ANO7: variants seen among roughly 807,000 people sequenced by gnomAD.
The protein encoded by ANO7 is anoctamin-7.
A neutral mutation model predicts 115.8 loss-of-function variants in ANO7; 114 were observed. That is an observed-to-expected ratio of 0.98 (90% CI 0.85 to 1.15). The LOEUF (loss-of-function observed/expected upper bound fraction) is 1.15, where lower values mean the gene tolerates loss of function less well. Among genes scored for constraint, ANO7 ranks in the 50% most tolerant of loss-of-function variants. ANO7 has a pLI of 0.00. For missense variants in ANO7, 1,302 were observed against 1,201.2 expected (o/e 1.08, Z -1.24); for synonymous variants, 550 against 498.2 (o/e 1.10, Z -1.38).
Position 241,200,108 on chromosome 2 carries a change from C to T in ANO7, c.437C>T (p.Ser146Phe), listed in dbSNP as rs775989242. The change falls in exon 6 of 25, where the codon TCC becomes TTC. Residue 146 changes from serine (S) to phenylalanine (F), a missense_variant. Ser to Phe is a radical substitution (Grantham distance 155, BLOSUM62 -2). Coordinates refer to ENST00000674324, the MANE Select transcript of ANO7 (RefSeq NM_001370694.2). ...LPLQELPNQA[S>F]NWSAGLLAWL... ...TTCCAGGAGTTACCCAACCAGGCCT[C>T]CAACTGGTCGGCCGGCCTGCTGGCA... The T allele has an allele frequency of 5.0e-6, 8 of 1,612,894 alleles. No individual in the cohort carries two copies. Among genetic ancestry groups the T allele is most frequent in the Non-Finnish European group, 5.9e-6 (7 of 1,179,984 alleles).
chr2:241,220,165 T>C (rs2149268944), intron 21 of ANO7, among the ~76,000 whole-genome samples: 1 of 152,360 alleles, frequency 6.6e-6, no homozygotes, highest in East Asian at 1.9e-4. Context: ...CTGAAGTATA[T>C]CCTTTAGTAA....
intron 21 of ANO7, among the ~76,000 whole-genome samples, chr2:241,220,142 C>CT (rs1029855300): frequency 6.6e-5 from 10 of 151,940 alleles, no homozygotes; most frequent in Non-Finnish European, 1.5e-4. Flanking sequence ...TTCTCCGAGT[C>CT]TTTTTTTTCT....
chr2:241,217,883 A>G lies in ANO7; in HGVS notation c.2170A>G (p.Ile724Val), dbSNP rs1335591871. ...GGCGGGCCTCACGCACCTGGCGGTC[A>G]TCAGCAACGTGAGGCCCGGGCGGGA... Reference protein sequence around the residue: ...ILAGLTHLAVISNAFLLAFSS... With the variant: ...ILAGLTHLAVVSNAFLLAFSS... Residue 724 changes from isoleucine (I) to valine (V), a missense_variant, in exon 20 of 25, where the codon ATC (isoleucine) becomes GTC (valine). By Grantham distance (29) the Ile-to-Val change is conservative (BLOSUM62 3). Transcript: ENST00000674324. The G allele has an allele frequency of 2.5e-6, 4 of 1,578,562 alleles. No individual in the cohort carries two copies. Among genetic ancestry groups the G allele is most frequent in the Non-Finnish European group, 3.4e-6 (4 of 1,168,536 alleles).
chr2:241,235,713 C>T, the ANO7 span: 6 of 659,556 alleles, frequency 9.1e-6, no homozygotes, highest in Middle Eastern at 2.7e-4. Context: ...AGCAATGTGC[C>T]CCACCCGACA....
chr2:241,218,540 C>G (rs943397281), intron 21 of ANO7, among the ~76,000 whole-genome samples, 159 bp downstream of exon 21: 27 of 139,662 alleles, frequency 1.9e-4, no homozygotes, highest in African/African-American at 7.2e-4. Flanking sequence ...TGGGCAGGGG[C>G]TGGGGGGAGG....
intron 4 of ANO7, among the ~76,000 whole-genome samples, chr2:241,198,889 C>A (rs370464927): frequency 6.6e-6 from 1 of 152,218 alleles, no homozygotes; most frequent in Non-Finnish European, 1.5e-5. Flanking sequence ...GAAACATGTC[C>A]GTGCACAGCA....
chr2:241,235,662 T>C, the ANO7 span: 4 of 1,112,818 alleles, frequency 3.6e-6, no homozygotes, highest in African/African-American at 3.1e-5. Context: ...AGCTCAGCAA[T>C]GGGGCTCCAC....
At position 241,191,256 on chromosome 2, in the gene ANO7, G is replaced by A; in HGVS notation, c.166+5G>A. 6.2e-7 allele frequency: 1 copy of A among 1,613,668 alleles called. No individual in the cohort carries two copies. The highest frequency in any genetic ancestry group is 8.5e-7 in the Non-Finnish European group (1 of 1,179,878). On this transcript the variant is annotated splice_donor_5th_base_variant and intron_variant, in intron 3 of 24. Coordinates refer to ENST00000674324, the MANE Select transcript of ANO7 (RefSeq NM_001370694.2). ...GTCCTGCCAAGCCCCGGATCGGTGA[G>A]CCCCTCCCAGCACCTGTACCACACC...
chr2:241,221,619 C>T (rs1458765607), intron 21 of ANO7, among the ~76,000 whole-genome samples: 1 of 151,078 alleles, frequency 6.6e-6, no homozygotes, highest in Non-Finnish European at 1.5e-5. Flanking sequence ...CCTCAGGTAT[C>T]TGCCCACTTC....
In ANO7 at chr2:241,195,761, C is replaced by T. The variant is rs377135132; in HGVS notation, c.225C>T (p.Ala75=). ...DLKLDRQQDS[A]ARDRTDMHRT... ...AGCTAGACAGGCAGCAGGACAGTGC[C>T]GCCCGGGACAGAACAGACATGCACA... Residue 75 remains alanine (A), a synonymous_variant, in exon 4 of 25, where the codon GCC becomes GCT. Transcript: ENST00000674324. The T allele has an allele frequency of 8.9e-5, 143 of 1,614,132 alleles. No individual in the cohort carries two copies. Among genetic ancestry groups the T allele is most frequent in the Non-Finnish European group, 1.1e-4 (129 of 1,180,054 alleles).
rs573291990 is a variant in ANO7 at position 241,209,245 on chromosome 2, A to G, written c.1078-40A>G. On this transcript the variant is annotated intron_variant, in intron 11 of 24. Transcript: ENST00000674324. ...ACACTGGAAGGAACAAGGGGCCTCC[A>G]GTCCCAAGCAAGTCTGGACGCCCCC... 155 of 1,530,518 alleles carry G rather than the reference A, an allele frequency of 1.0e-4. No individual in the cohort carries two copies. The African/African-American group carries it at 1.9e-3, about 19-fold the overall frequency. The allele number at this position is 1,530,518 out of a possible 1,614,324, so 94.8% of individuals were successfully genotyped here. A position where few individuals can be genotyped will look rare whatever the true frequency, so the allele number is the denominator to read the frequency against.
rs892240129 is a variant in ANO7, at chr2:241,202,074, T to G, written c.613-120T>G. 17 of 752,930 alleles carry G rather than the reference T, an allele frequency of 2.3e-5. No individual in the cohort carries two copies. The African/African-American group carries it at 2.4e-4, about 11-fold the overall frequency. 46.6% of individuals were successfully genotyped at this position (752,930 alleles called of 1,614,324 possible). A position where few individuals can be genotyped will look rare whatever the true frequency, so the allele number is the denominator to read the frequency against. On this transcript the variant is annotated intron_variant, in intron 7 of 24. Coordinates refer to ENST00000674324, the MANE Select transcript of ANO7 (RefSeq NM_001370694.2). ...CCAAGCCTTTCCATCAGATCGCTAT[T>G]GTCACCAGAAGGCTGAGGGAGGCCG...
intron 4 of ANO7, 77 bp downstream of exon 4, chr2:241,195,922 T>C (rs1381953373): frequency 6.2e-7 from 1 of 1,613,048 alleles, no homozygotes; most frequent in Non-Finnish European, 8.5e-7. Context: ...GCATGAGGCC[T>C]GAGGGCATGG....
the ANO7 span, chr2:241,236,492 G>A: frequency 1.0e-6 from 1 of 967,488 alleles, no homozygotes; most frequent in Non-Finnish European, 1.6e-6. Context: ...GTAGGAGCAA[G>A]AGGGCTACCT....
chr2:241,190,242 GGGCCCA>G, intron 2 of ANO7, 71 bp downstream of exon 2: 7 of 1,357,126 alleles, frequency 5.2e-6, no homozygotes, highest in Non-Finnish European at 6.0e-6. Flanking sequence ...CCCCCACCCT[GGGCCCA>G]GAGCCTCTGG....
intron 10 of ANO7, among the ~76,000 whole-genome samples, chr2:241,206,998 A>C (rs868318025): frequency 2.0e-5 from 3 of 147,282 alleles, no homozygotes; most frequent in African/African-American, 7.6e-5. Flanking sequence ...CCAGCCTGAC[A>C]CAGGTGGGCA....
At chr2:241,239,516 T>A in the ANO7 span, 1 of 1,120,670 alleles carries the variant, frequency 8.9e-7, no homozygotes, top group African/African-American at 1.5e-5. This position sits in a 1 kb window ranked among gnomAD's most constrained non-coding sequence, Gnocchi z 4.6. Flanking sequence ...GTCACCTCCC[T>A]ACAGGGTGGA....
intron 21 of ANO7, among the ~76,000 whole-genome samples, chr2:241,222,592 T>C (rs2069051120): frequency 6.6e-6 from 1 of 150,574 alleles, no homozygotes; most frequent in African/African-American, 2.5e-5. Context: ...TGGTTTTTTG[T>C]TTTTTTTATT....
At chr2:241,204,816 C>T (rs1419820075) in intron 9 of ANO7, 49 bp from the exon 10 acceptor site, 1 of 1,511,336 alleles carries the variant, frequency 6.6e-7, no homozygotes, top group South Asian at 1.1e-5. Flanking sequence ...CTACCTGGGG[C>T]CCCCAAGCCT....
Sources: gnomAD v4.1 joint callset for allele counts (sites outside exome capture counted in the v4.1 genomes callset) on GRCh38, gnomAD v4.1.1 for gene constraint, Gnocchi (gnomAD v3.1) non-coding constraint, MANE v1.5 for transcripts, NCBI Gene and HGNC (gene_info 2026-07-23, HGNC 2026-07-21) for gene names.